Variants in PXDC1 observed in about 807,000 individuals in gnomAD.
PXDC1 encodes the protein PX domain containing 1, also known as PX domain-containing protein 1.
PXDC1 carries 13 observed loss-of-function variants against 24.4 expected under a neutral mutation model. The observed-to-expected ratio is 0.53, with a 90% CI of 0.35 to 0.85. The LOEUF (loss-of-function observed/expected upper bound fraction) is 0.85, where lower values mean the gene tolerates loss of function less well. Among genes scored for constraint, PXDC1 ranks in the 40% least tolerant of loss-of-function variants. The pLI, the probability that PXDC1 is intolerant of heterozygous loss-of-function variation, is 0.01. For missense variants in PXDC1, 344 were observed against 309.3 expected, an observed-to-expected ratio of 1.11 and a Z score of -0.84; for synonymous variants, 162 against 124.9, an observed-to-expected ratio of 1.30 and a Z score of -1.98.
In PXDC1 at chr6:3,737,934, AC is replaced by A. The variant is rs1760358735; in HGVS notation, c.348+122del. On this transcript the variant is annotated intron_variant, in intron 2 of 4. Coordinates refer to ENST00000380283, the MANE Select transcript of PXDC1 (RefSeq NM_183373.4). This position sits in a 1 kb window ranked among gnomAD's most constrained non-coding sequence, Gnocchi z 5.5. The stretch of plus-strand genomic sequence containing the variant: ...ATCGCCTGGTACTACCAGGGAGGGA[AC>A]AAAACGGCTAAGTGAGACAGAGCAA... 3 of 827,126 alleles carry A rather than the reference AC, an allele frequency of 3.6e-6. No individual in the cohort carries two copies. In the East Asian group the frequency reaches 7.4e-5, roughly 21 times the overall value. 51.2% of individuals were successfully genotyped at this position (827,126 alleles called of 1,614,324 possible). A position where few individuals can be genotyped will look rare whatever the true frequency, so the allele number is the denominator to read the frequency against.
Position 3,725,385 on chromosome 6 carries a change from GCA to G in PXDC1, c.579-1651_579-1650del, listed in dbSNP as rs1760039870. Among the ~76,000 whole-genome samples the G allele has an allele frequency of 2.0e-5, 3 of 152,204 alleles. No individual in the cohort carries two copies. The highest frequency in any genetic ancestry group is 4.4e-5 in the Non-Finnish European group (3 of 68,034). On this transcript the variant is annotated intron_variant, in intron 4 of 4. Coordinates refer to ENST00000380283, the MANE Select transcript of PXDC1 (RefSeq NM_183373.4). This position sits in a 1 kb window ranked among gnomAD's most constrained non-coding sequence, Gnocchi z 4.8. The stretch of plus-strand genomic sequence containing the variant: ...CCCTGGATGACCTCCCAGAAGCCAG[GCA>G]ATCCCTTCGCCAGCTGAGACTGTCA...
In PXDC1 at chr6:3,751,348, G is replaced by A; in HGVS notation, c.184C>T (p.Arg62Cys). Residue 62 changes from arginine to cysteine, a missense_variant, in exon 1 of 5, where the codon CGC becomes TGC. By Grantham distance (180) the Arg-to-Cys change is radical. Transcript: ENST00000380283. ...YLHRSLADLG[R>C]LWQRLRDAFP... ...GCGTCGCGCAGGCGCTGCCACAGGC[G>A]GCCCAGGTCCGCCAGGCTGCGGTGC... The A allele has an allele frequency of 1.3e-6, 2 of 1,554,252 alleles. No individual in the cohort carries two copies. Among genetic ancestry groups the A allele is most frequent in the East Asian group, 2.4e-5 (1 of 41,158 alleles).
At chr6:3,749,536 T>G (rs1295087824) in intron 1 of PXDC1, among the ~76,000 whole-genome samples, 1 of 150,430 alleles carries the variant, frequency 6.6e-6, no homozygotes, top group East Asian at 2.0e-4. Flanking sequence ...AGCCAGGGTG[T>G]GTGCAGGGCA....
chr6:3,739,004 G>T, intron 1 of PXDC1: 1 of 1,258,612 alleles, frequency 7.9e-7, no homozygotes, highest in Non-Finnish European at 1.0e-6. Flanking sequence ...AGGCTTAAGT[G>T]CCAGAACTAT....
chr6:3,734,520 G>C (rs1013625949), intron 3 of PXDC1, among the ~76,000 whole-genome samples: 1 of 152,086 alleles, frequency 6.6e-6, no homozygotes, highest in Non-Finnish European at 1.5e-5. Context: ...TAGACAATTA[G>C]GACTCCAGAG....
rs796347497 is a variant in PXDC1 at position 3,724,349 on chromosome 6, G to A, written c.579-613C>T. Among the ~76,000 whole-genome samples the A allele has an allele frequency of 4.6e-5, 7 of 152,242 alleles. No individual in the cohort carries two copies. Among genetic ancestry groups the A allele is most frequent in the African/African-American group, 1.2e-4 (5 of 41,536 alleles). On this transcript the variant is annotated intron_variant, in intron 4 of 4. Transcript: ENST00000380283. The surrounding 1 kb of genome is among the most constrained non-coding windows in gnomAD (Gnocchi z 4.5). ...GACTTACATGGGGTGTGGAGAACTA[G>A]GGAAGAATACAAACCCCAAACATAA...
intron 1 of PXDC1, among the ~76,000 whole-genome samples, chr6:3,745,581 C>T (rs1760551349): frequency 7.5e-6 from 1 of 134,222 alleles, no homozygotes; most frequent in African/African-American, 2.6e-5. Flanking sequence ...CTGAGCCTGA[C>T]CCCTCCTATT....
intron 3 of PXDC1, among the ~76,000 whole-genome samples, chr6:3,734,817 G>A (rs1760279934): frequency 6.6e-6 from 1 of 152,194 alleles, no homozygotes; most frequent in Admixed American, 6.5e-5. Flanking sequence ...GGGCGCAGTG[G>A]CTAATACCTA....
In PXDC1 at chr6:3,751,471, C is replaced by T. The variant is rs533901228; in HGVS notation, c.61G>A (p.Val21Met). 8.2e-5 allele frequency: 132 copies of T among 1,604,236 alleles called. 3 individuals are homozygous for T. The Admixed American group carries it at 1.2e-3, about 15-fold the overall frequency. ...ACGATGAGCCTGCGGATGCCGTTCA[C>T]CCAGCAGCCGCGCACGAACATGTTC... ...LVNMFVRGCW[V>M]NGIRRLIVSR... The change falls in exon 1 of 5, where the codon GTG (valine) becomes ATG (methionine). Residue 21 changes from valine to methionine, a missense_variant. Val to Met is a conservative substitution (Grantham distance 21). Coordinates refer to ENST00000380283, the MANE Select transcript of PXDC1 (RefSeq NM_183373.4).
intron 1 of PXDC1, among the ~76,000 whole-genome samples, chr6:3,750,786 G>A (rs1760690486): frequency 1.3e-5 from 2 of 152,164 alleles, no homozygotes; most frequent in African/African-American, 4.8e-5. Flanking sequence ...TCGAAGACCA[G>A]GGGCGCGCCC....
intron 3 of PXDC1, among the ~76,000 whole-genome samples, chr6:3,731,304 G>A (rs1174801988): frequency 6.6e-6 from 1 of 152,168 alleles, no homozygotes; most frequent in East Asian, 1.9e-4. Flanking sequence ...AATGTCCTCA[G>A]ATCTGTTATG....
intron 3 of PXDC1, among the ~76,000 whole-genome samples, chr6:3,732,911 G>A (rs949042714): frequency 2.6e-5 from 4 of 152,184 alleles, no homozygotes; most frequent in Admixed American, 6.5e-5. Context: ...GTGGGCTCTC[G>A]GCCGGGAATG....
rs138995428 is a variant in PXDC1 at position 3,723,636 on chromosome 6, T to C, written c.679A>G (p.Thr227Ala). 1 of 1,613,882 alleles carries C rather than the reference T, an allele frequency of 6.2e-7. No homozygotes were observed. The highest frequency in any genetic ancestry group is 8.5e-7 in the Non-Finnish European group (1 of 1,179,816). The change falls in exon 5 of 5, where the codon ACA (threonine) becomes GCA (alanine). Residue 227 changes from threonine to alanine, a missense_variant. Transcript: ENST00000380283. ...AGAGAGGTTCAGTCCCAAATGTCTGTCTCGAAGGGGACCAGGTGGTAATAT... is the reference window on the plus strand; with the variant it reads ...AGAGAGGTTCAGTCCCAAATGTCTGCCTCGAAGGGGACCAGGTGGTAATAT... ...LSYYHLVPFE[T>A]DIWD
chr6:3,740,994 C>T (rs1760437935), intron 1 of PXDC1, among the ~76,000 whole-genome samples: 2 of 152,274 alleles, frequency 1.3e-5, no homozygotes, highest in Non-Finnish European at 2.9e-5. Flanking sequence ...TGTTCGCTGG[C>T]TGTGCTGGCA....
In PXDC1 at chr6:3,723,578, G is replaced by A. The variant is rs1759988948; in HGVS notation, c.*41C>T. The A allele has an allele frequency of 2.1e-6, 3 of 1,432,242 alleles. No individual in the cohort carries two copies. In the East Asian group the frequency reaches 6.8e-5, roughly 32 times the overall value. The allele number at this position is 1,432,242 out of a possible 1,614,324, so 88.7% of individuals were successfully genotyped here. A position where few individuals can be genotyped will look rare whatever the true frequency, so the allele number is the denominator to read the frequency against. ...CAGCACAGTGGACAGCATCAGAGCT[G>A]GCAGTGAACAGCTGAGGCGGGGGAG... On this transcript the variant is annotated 3_prime_UTR_variant, in exon 5 of 5. Transcript: ENST00000380283.
intron 1 of PXDC1, among the ~76,000 whole-genome samples, chr6:3,746,981 C>A (rs992667564): frequency 6.6e-6 from 1 of 152,148 alleles, no homozygotes; most frequent in Non-Finnish European, 1.5e-5. Flanking sequence ...AGACGACAGT[C>A]TCCTAGCATG....
At chr6:3,729,751 G>A (rs1193159708) in intron 3 of PXDC1, among the ~76,000 whole-genome samples, 1 of 152,130 alleles carries the variant, frequency 6.6e-6, no homozygotes, top group Non-Finnish European at 1.5e-5. Flanking sequence ...TGTCTTTCTT[G>A]GGAAGCACAT....
Position 3,751,674 on chromosome 6 carries a change from T to A in PXDC1, c.-143A>T, listed in dbSNP as rs1357330666. The A allele has an allele frequency of 8.2e-6, 10 of 1,220,144 alleles. No individual in the cohort carries two copies. The highest frequency in any genetic ancestry group is 8.2e-6 in the Non-Finnish European group (8 of 970,580). 75.6% of individuals were successfully genotyped at this position (1,220,144 alleles called of 1,614,324 possible). On this transcript the variant is annotated 5_prime_UTR_variant, in exon 1 of 5. Transcript: ENST00000380283. ...CCCGTCACTCCAAGGAGGCTGCGTA[T>A]GGCCCGCGTTCGGGGCAGCGGGGCG...
rs1309787048 is a variant in PXDC1, at chr6:3,738,134, T to G, written c.271A>C (p.Lys91Gln). The G allele has an allele frequency of 1.2e-6, 2 of 1,613,864 alleles. No individual in the cohort carries two copies. The highest frequency in any genetic ancestry group is 1.7e-6 in the Non-Finnish European group (2 of 1,179,800). ...GPLRQGLVAI[K>Q]EAHDIETRLN... ...CTGGTCTCTATGTCGTGGGCTTCCT[T>G]TATGGCAACCAGTCCTAGAATTGAG... The change falls in exon 2 of 5, where the codon AAG becomes CAG. Residue 91 changes from lysine to glutamine, a missense_variant. Physicochemically the swap from Lys to Gln is moderately conservative, Grantham distance 53. Coordinates refer to ENST00000380283, the MANE Select transcript of PXDC1 (RefSeq NM_183373.4).
Sources: gnomAD v4.1 joint callset for allele counts (sites outside exome capture counted in the v4.1 genomes callset) on GRCh38, gnomAD v4.1.1 for gene constraint, Gnocchi (gnomAD v3.1) non-coding constraint, MANE v1.5 for transcripts, NCBI Gene and HGNC (gene_info 2026-07-23, HGNC 2026-07-21) for gene names.